TERT: variants seen among roughly 807,000 people sequenced by gnomAD.
TERT encodes the protein telomerase reverse transcriptase.
In TERT, 42 loss-of-function variants were observed where a neutral mutation model predicts 104.0. The ratio of observed to expected loss-of-function variants is 0.40; its 90% confidence interval spans 0.32 to 0.52. The LOEUF (loss-of-function observed/expected upper bound fraction) is 0.52, where lower values mean the gene tolerates loss of function less well. TERT is among the 20% of genes least tolerant of loss of function. The pLI is 0.43. For synonymous variants in TERT, 781 were observed against 725.6 expected, an observed-to-expected ratio of 1.08 and a Z score of -1.23; for missense variants, 1,101 against 1,610.3, an observed-to-expected ratio of 0.68 and a Z score of 5.41.
rs573218717 is a variant in TERT, at chr5:1,286,342, G to C, written c.1574-3718C>G. On this transcript the variant is annotated intron_variant, in intron 2 of 15. Coordinates refer to ENST00000310581, the MANE Select transcript of TERT (RefSeq NM_198253.3). The surrounding 1 kb of genome is among the most constrained non-coding windows in gnomAD (Gnocchi z 5.3). ...CAAGGAAGGGGACCCCAGACGGCGG[G>C]CCTGAGACAGAAGACAGACGGGGAA... Among the ~76,000 whole-genome samples the C allele has an allele frequency of 4.4e-4, 67 of 152,304 alleles. 2 individuals are homozygous for C. In the South Asian group the frequency reaches 0.013, roughly 30 times the overall value.
chr5:1,288,796 C>T lies in TERT; in HGVS notation c.1573+4517G>A, dbSNP rs571835320. 2.0e-5 allele frequency among the ~76,000 whole-genome samples: 3 copies of T among 152,248 alleles called. No individual in the cohort carries two copies. Among genetic ancestry groups the T allele is most frequent in the South Asian group, 2.1e-4 (1 of 4,822 alleles). ...AGGAGTATTGGCAGCATGCATGTGGCGGGCACGTGGTGAGCAAGCCAGGCC... is the reference window on the plus strand; with the variant it reads ...AGGAGTATTGGCAGCATGCATGTGGTGGGCACGTGGTGAGCAAGCCAGGCC... On this transcript the variant is annotated intron_variant, in intron 2 of 15. Coordinates refer to ENST00000310581, the MANE Select transcript of TERT (RefSeq NM_198253.3). This position sits in a 1 kb window ranked among gnomAD's most constrained non-coding sequence, Gnocchi z 5.3.
Position 1,256,711 on chromosome 5 carries a change from C to G in TERT, c.3033-1300G>C, listed in dbSNP as rs1747765112. Among the ~76,000 whole-genome samples, 2 of 152,214 alleles carry G rather than the reference C, an allele frequency of 1.3e-5. No homozygotes were observed. Among genetic ancestry groups the G allele is most frequent in the Admixed American group, 1.3e-4 (2 of 15,284 alleles). ...TTTCCCCATTTAGCAACAACGGAAG[C>G]CAGGCCCAGAATGTTTTTAAACAAA... On this transcript the variant is annotated intron_variant, in intron 13 of 15. Coordinates refer to ENST00000310581, the MANE Select transcript of TERT (RefSeq NM_198253.3). This position sits in a 1 kb window ranked among gnomAD's most constrained non-coding sequence, Gnocchi z 7.0.
In TERT at chr5:1,293,463, G is replaced by C; in HGVS notation, c.1423C>G (p.Pro475Ala). The change falls in exon 2 of 16, where the codon CCA becomes GCA. Residue 475 changes from proline to alanine, a missense_variant. Physicochemically the swap from Pro to Ala is conservative, Grantham distance 27. Around this residue, in one of 5 missense-constraint regions of TERT, gnomAD observed 504 missense variants for 544.6 expected, o/e 0.93. Coordinates refer to ENST00000310581, the MANE Select transcript of TERT (RefSeq NM_198253.3). ...TTGTGCCTGGAGCCCCAGAGGCCTG[G>C]GGGCACCAGCCGGCGCAGGCAGGCC... ...VRACLRRLVP[P>A]GLWGSRHNER... The C allele has an allele frequency of 1.2e-6, 2 of 1,609,504 alleles. No individual in the cohort carries two copies. Among genetic ancestry groups the C allele is most frequent in the Non-Finnish European group, 1.7e-6 (2 of 1,178,620 alleles).
chr5:1,293,499 C>G lies in TERT; in HGVS notation c.1387G>C (p.Gly463Arg). Residue 463 changes from glycine to arginine, a missense_variant, in exon 2 of 16, where the codon GGC becomes CGC. Gly to Arg is a moderately radical substitution (Grantham distance 125). This residue lies in a region of TERT where 504 missense variants were observed against 544.6 expected (regional missense o/e 0.93). Transcript: ENST00000310581. ...RQHSSPWQVY[G>R]FVRACLRRLV... is the part of the protein sequence containing the mutation. ...CGGCGCAGGCAGGCCCGCACGAAGC[C>G]GTACACCTGCCAGGGGCTGCTGTGC... 6.3e-7 allele frequency: 1 copy of G among 1,582,670 alleles called. No homozygotes were observed. The highest frequency in any genetic ancestry group is 1.1e-5 in the South Asian group (1 of 87,600).
rs565086421 is a variant in TERT, at chr5:1,268,389, G to A, written c.2582+131C>T. ...TCCCGTGCGGCTTCATACCAAGAAG[G>A]GGCTGCAACCTTGTCTGGTTCCTCA... On this transcript the variant is annotated intron_variant, in intron 9 of 15. Transcript: ENST00000310581. The surrounding 1 kb of genome is among the most constrained non-coding windows in gnomAD (Gnocchi z 5.5). 5 of 732,424 alleles carry A rather than the reference G, an allele frequency of 6.8e-6. No homozygotes were observed. The East Asian group carries it at 1.1e-4, about 16-fold the overall frequency. The allele number at this position is 732,424 out of a possible 1,614,324, so 45.4% of individuals were successfully genotyped here.
At chr5:1,258,071 G>A (rs1747879150) in intron 13 of TERT, among the ~76,000 whole-genome samples, 1 of 152,248 alleles carries the variant, frequency 6.6e-6, no homozygotes, top group Non-Finnish European at 1.5e-5. Flanking sequence ...TGACCAGCCA[G>A]GACAGGGAAC....
intron 2 of TERT, among the ~76,000 whole-genome samples, chr5:1,290,529 G>A (rs367756850): frequency 0.039 from 846 of 21,876 alleles, no homozygotes; most frequent in South Asian, 0.087. Flanking sequence ...CACTCACCCT[G>A]CACGTGACAG....
rs1307774139 is a variant in TERT at position 1,292,026 on chromosome 5, C to A, written c.1573+1287G>T. The stretch of plus-strand genomic sequence containing the variant: ...ACGCAAGACGCAGCATTTCAAGCAA[C>A]CTGCTGTAAACACCGCCGAGTTAGC... On this transcript the variant is annotated intron_variant, in intron 2 of 15. Transcript: ENST00000310581. The surrounding 1 kb of genome is among the most constrained non-coding windows in gnomAD (Gnocchi z 5.5). 6.6e-6 allele frequency among the ~76,000 whole-genome samples: 1 copy of A among 152,180 alleles called. No homozygotes were observed. The highest frequency in any genetic ancestry group is 1.9e-4 in the East Asian group (1 of 5,196).
At position 1,292,654 on chromosome 5, in the gene TERT, A is replaced by G. The variant is rs1400827014; in HGVS notation, c.1573+659T>C. Among the ~76,000 whole-genome samples, 2 of 152,150 alleles carry G rather than the reference A, an allele frequency of 1.3e-5. No individual in the cohort carries two copies. Among genetic ancestry groups the G allele is most frequent in the Non-Finnish European group, 2.9e-5 (2 of 68,026 alleles). On this transcript the variant is annotated intron_variant, in intron 2 of 15. Coordinates refer to ENST00000310581, the MANE Select transcript of TERT (RefSeq NM_198253.3). The surrounding 1 kb of genome is among the most constrained non-coding windows in gnomAD (Gnocchi z 5.5). ...CAGCCTCCCAAGTAGCTGGGATTACAGGCACACACCACCATGCCCAGCTAA... is the reference window on the plus strand; with the variant it reads ...CAGCCTCCCAAGTAGCTGGGATTACGGGCACACACCACCATGCCCAGCTAA...
chr5:1,254,003 C>T (rs1268681324), intron 15 of TERT, among the ~76,000 whole-genome samples, 172 bp from the exon 16 acceptor site: 1 of 152,228 alleles, frequency 6.6e-6, no homozygotes, highest in Admixed American at 6.5e-5. Context: ...AGACAGGCAG[C>T]CCAGTGACGC....
chr5:1,286,135 C>T lies in TERT; in HGVS notation c.1574-3511G>A, dbSNP rs969514865. On this transcript the variant is annotated intron_variant, in intron 2 of 15. Transcript: ENST00000310581. This position sits in a 1 kb window ranked among gnomAD's most constrained non-coding sequence, Gnocchi z 5.3. Reference sequence around the variant, plus strand: ...TTGCTGTCACTCACTGGCTAAGGAACGCTGGCCACGTGGTGCTCCAGACAC... The same window carrying T: ...TTGCTGTCACTCACTGGCTAAGGAATGCTGGCCACGTGGTGCTCCAGACAC... Among the ~76,000 whole-genome samples, 8 of 152,144 alleles carry T rather than the reference C, an allele frequency of 5.3e-5. No individual in the cohort carries two copies. Among genetic ancestry groups the T allele is most frequent in the South Asian group, 4.1e-4 (2 of 4,832 alleles).
rs1750576267 is a variant in TERT at position 1,287,602 on chromosome 5, T to C, written c.1574-4978A>G. 6.6e-6 allele frequency among the ~76,000 whole-genome samples: 1 copy of C among 150,788 alleles called. No homozygotes were observed. On this transcript the variant is annotated intron_variant, in intron 2 of 15. Transcript: ENST00000310581. The surrounding 1 kb of genome is among the most constrained non-coding windows in gnomAD (Gnocchi z 4.3). Reference sequence around the variant, plus strand: ...CCCAGTGTGGCAGTACTAAGAGCAATTTAAAAAAAGAATTACTAGATTACT... The same window carrying C: ...CCCAGTGTGGCAGTACTAAGAGCAACTTAAAAAAAGAATTACTAGATTACT...
At chr5:1,259,892 CAG>C (rs1449316682) in intron 12 of TERT, among the ~76,000 whole-genome samples, 1 of 141,568 alleles carries the variant, frequency 7.1e-6, no homozygotes, top group Non-Finnish European at 1.5e-5. Flanking sequence ...GGAGTGGACA[CAG>C]ATGCCCACAG....
intron 6 of TERT, 130 bp from the exon 7 acceptor site, chr5:1,272,410 C>A: frequency 1.1e-6 from 1 of 876,194 alleles, no homozygotes; most frequent in Non-Finnish European, 1.9e-6. Flanking sequence ...CCAGAGAGCG[C>A]CTGGGAAGCT....
At chr5:1,289,314 C>A (rs182999344) in intron 2 of TERT, among the ~76,000 whole-genome samples, 388 of 143,456 alleles carry the variant, frequency 2.7e-3, no homozygotes, top group African/African-American at 9.4e-3. Flanking sequence ...TCACCCTACA[C>A]GTGACAGAGA....
rs1325482375 is a variant in TERT, at chr5:1,293,866, C to T, written c.1020G>A (p.Gln340=). The stretch of plus-strand genomic sequence containing the variant: ...AGCTGAGTAGGAAGGAGGGCCGCAG[C>T]TGCTCCTTGTCGCCTGAGGAGTAGA... The part of the protein sequence containing the change: ...HFLYSSGDKE[Q]LRPSFLLSSL... The change falls in exon 2 of 16, where the codon CAG becomes CAA. Residue 340 remains glutamine, a synonymous_variant. Coordinates refer to ENST00000310581, the MANE Select transcript of TERT (RefSeq NM_198253.3). The T allele has an allele frequency of 6.5e-7, 1 of 1,545,550 alleles. No individual in the cohort carries two copies. Among genetic ancestry groups the T allele is most frequent in the African/African-American group, 1.4e-5 (1 of 73,060 alleles).
chr5:1,272,531 CACAG>C, intron 6 of TERT, among the ~76,000 whole-genome samples: 1 of 130,962 alleles, frequency 7.6e-6, no homozygotes, highest in African/African-American at 3.5e-5. Context: ...GATCACCATC[CACAG>C]TCACCACATC....
intron 9 of TERT, among the ~76,000 whole-genome samples, chr5:1,266,836 A>G (rs1579558480): frequency 6.6e-6 from 1 of 152,326 alleles, no homozygotes; most frequent in East Asian, 1.9e-4. Context: ...TTAGGGAAAA[A>G]TAACTGAAGA....
At chr5:1,283,333 T>C (rs369649831) in intron 2 of TERT, among the ~76,000 whole-genome samples, 98 of 59,906 alleles carry the variant, frequency 1.6e-3, no homozygotes, top group Middle Eastern at 0.016. Context: ...TCCAGCTCAC[T>C]GCAGGGCCTG....
Sources: gnomAD v4.1 joint callset for allele counts (sites outside exome capture counted in the v4.1 genomes callset) on GRCh38, gnomAD v4.1.1 for gene constraint, gnomAD v4.1.1 regional missense constraint, Gnocchi (gnomAD v3.1) non-coding constraint, MANE v1.5 for transcripts, NCBI Gene and HGNC (gene_info 2026-07-23, HGNC 2026-07-21) for gene names.